PHACTR4: variants seen among roughly 807,000 people sequenced by gnomAD.
The protein encoded by PHACTR4 is phosphatase and actin regulator 4, also known as protein phosphatase 1, regulatory subunit 124.
Under a neutral mutation model 72.7 loss-of-function variants are expected in PHACTR4, and 51 were observed. The ratio of observed to expected loss-of-function variants is 0.70; its 90% CI spans 0.56 to 0.89. The LOEUF (loss-of-function observed/expected upper bound fraction) is 0.89, where lower values mean the gene tolerates loss of function less well. PHACTR4 is among the 40% of genes least tolerant of loss of function. The probability of loss-of-function intolerance (pLI) is 0.00; values close to 1 mark genes in which losing one functional copy is unlikely to be tolerated. For missense variants in PHACTR4, 731 were observed against 861.8 expected, an observed-to-expected ratio of 0.85 and a Z score of 1.90; for synonymous variants, 255 against 302.5, an observed-to-expected ratio of 0.84 and a Z score of 1.63.
chr1:28,407,656 A>G (rs956206998), intron 2 of PHACTR4, among the ~76,000 whole-genome samples, 193 bp downstream of exon 2: 2 of 152,188 alleles, frequency 1.3e-5, no homozygotes, highest in African/African-American at 4.8e-5. Context: ...CCTTTTGTTT[A>G]TGTGACATAT....
intron 2 of PHACTR4, chr1:28,433,168 A>ATCTCTTGTTATTTGTTAGCT: frequency 2.4e-6 from 2 of 818,082 alleles, no homozygotes; most frequent in Non-Finnish European, 3.0e-6. Flanking sequence ...CTTATTAGCT[A>ATCTCTTGTTATTTGTTAGCT]ACAAATAACA....
In PHACTR4 at chr1:28,498,251, G is replaced by C. The variant is rs1661478688; in HGVS notation, c.*1702G>C. On this transcript the variant is annotated 3_prime_UTR_variant, in exon 14 of 14. Coordinates refer to ENST00000373839, the MANE Select transcript of PHACTR4 (RefSeq NM_001048183.3). ...GGTGCTGCATAGGAAAGGGTCTCTG[G>C]AGAAGCAAGAAGGGCACAATCATGG... 6.6e-6 allele frequency: 1 copy of C among 152,218 alleles called. No individual in the cohort carries two copies. Among genetic ancestry groups the C allele is most frequent in the Non-Finnish European group, 1.5e-5 (1 of 68,092 alleles). The allele number at this position is 152,218 out of a possible 1,614,324, so 9.4% of individuals were successfully genotyped here. A position where few individuals can be genotyped will look rare whatever the true frequency, so the allele number is the denominator to read the frequency against.
chr1:28,453,410 GA>G, intron 2 of PHACTR4: 2 of 253,644 alleles, frequency 7.9e-6, no homozygotes, highest in South Asian at 1.1e-4. Context: ...AGTTGAAAAC[GA>G]AAAAAAGAGA....
intron 1 of PHACTR4, among the ~76,000 whole-genome samples, chr1:28,375,835 C>T (rs1177212356): frequency 6.6e-6 from 1 of 152,052 alleles, no homozygotes; most frequent in Non-Finnish European, 1.5e-5. Context: ...TGTGGGAGGC[C>T]GAGGTGGGTG....
intron 2 of PHACTR4, among the ~76,000 whole-genome samples, chr1:28,407,971 T>G (rs1424710302): frequency 6.6e-6 from 1 of 151,598 alleles, no homozygotes; most frequent in African/African-American, 2.4e-5. Flanking sequence ...ATACAAAAAT[T>G]TAGCTGGGCA....
At chr1:28,408,585 G>A (rs1489692730) in intron 2 of PHACTR4, among the ~76,000 whole-genome samples, 3 of 151,760 alleles carry the variant, frequency 2.0e-5, no homozygotes, top group African/African-American at 7.3e-5. Context: ...GAAAGATAAC[G>A]TGGAAGTAAT....
chr1:28,495,468 G>T (rs1157321500), intron 13 of PHACTR4, among the ~76,000 whole-genome samples: 1 of 151,968 alleles, frequency 6.6e-6, no homozygotes, highest in Admixed American at 6.6e-5. Context: ...AATTGCATGT[G>T]TTTAGTTTGA....
At chr1:28,484,867 G>A (rs1002000104) in intron 9 of PHACTR4, among the ~76,000 whole-genome samples, 1 of 152,076 alleles carries the variant, frequency 6.6e-6, no homozygotes, top group Non-Finnish European at 1.5e-5. Context: ...TCGGGAGGCT[G>A]AGGCAGGAGA....
At chr1:28,401,810 G>A (rs1159075229) in intron 1 of PHACTR4, among the ~76,000 whole-genome samples, 11 of 152,128 alleles carry the variant, frequency 7.2e-5, no homozygotes, top group Admixed American at 7.2e-4. Flanking sequence ...TGTTGCCCAA[G>A]CTGGCCTTGA....
At chr1:28,489,340 G>A in intron 10 of PHACTR4, 115 bp downstream of exon 10, 2 of 793,730 alleles carry the variant, frequency 2.5e-6, no homozygotes, top group South Asian at 3.4e-5. Context: ...GAGTGTTCCA[G>A]CCAGGCAAGG....
intron 6 of PHACTR4, among the ~76,000 whole-genome samples, 178 bp from the exon 7 acceptor site, chr1:28,473,376 T>C (rs575976522): frequency 6.6e-6 from 1 of 152,240 alleles, no homozygotes; most frequent in Admixed American, 6.5e-5. Context: ...TTAAGCCTTC[T>C]ATTTGAATAA....
intron 4 of PHACTR4, among the ~76,000 whole-genome samples, chr1:28,462,494 A>T (rs565064047): frequency 3.7e-4 from 56 of 152,010 alleles, no homozygotes; most frequent in African/African-American, 1.3e-3. Context: ...CAGCCTCCCG[A>T]GTAGCTGGAA....
intron 2 of PHACTR4, among the ~76,000 whole-genome samples, chr1:28,430,042 A>G (rs1368315570): frequency 1.4e-5 from 2 of 147,646 alleles, no homozygotes; most frequent in African/African-American, 5.0e-5. Flanking sequence ...TTTTTTTTTG[A>G]GACAGAGTCT....
chr1:28,496,862 C>T lies in PHACTR4; in HGVS notation c.*313C>T, dbSNP rs528616029. On this transcript the variant is annotated 3_prime_UTR_variant, in exon 14 of 14. Transcript: ENST00000373839. ...CAGGTTTTACTGGCTGCACCACACC[C>T]CTTCCCCTAGATGACTGCCTGTGCA... The T allele has an allele frequency of 9.7e-4, 451 of 465,656 alleles. 2 individuals carry two copies. Among genetic ancestry groups the T allele is most frequent in the Middle Eastern group, 3.7e-3 (6 of 1,626 alleles). 28.8% of individuals were successfully genotyped at this position (465,656 alleles called of 1,614,324 possible).
intron 2 of PHACTR4, among the ~76,000 whole-genome samples, chr1:28,442,233 A>G (rs953440598): frequency 6.6e-6 from 1 of 151,978 alleles, no homozygotes; most frequent in Non-Finnish European, 1.5e-5. Context: ...TTGGGAGGCC[A>G]AGGCGGGTGA....
intron 2 of PHACTR4, among the ~76,000 whole-genome samples, chr1:28,440,159 G>A (rs551169544): frequency 1.0e-3 from 154 of 151,528 alleles, no homozygotes; most frequent in African/African-American, 3.6e-3. Context: ...AAAATCAGCT[G>A]GGCGTGGTGG....
At chr1:28,459,290 A>G (rs1261183608) in intron 3 of PHACTR4, 32 bp downstream of exon 3, 1 of 1,579,958 alleles carries the variant, frequency 6.3e-7, no homozygotes, top group South Asian at 1.1e-5. Context: ...GTGTGTTCTG[A>G]GTTAGAATTC....
chr1:28,481,164 G>A (rs2124524545), intron 9 of PHACTR4, among the ~76,000 whole-genome samples: 1 of 152,104 alleles, frequency 6.6e-6, no homozygotes, highest in Non-Finnish European at 1.5e-5. Context: ...GACTAGCTGG[G>A]TCCTCAGGCA....
intron 1 of PHACTR4, among the ~76,000 whole-genome samples, chr1:28,384,913 A>G (rs1391879206): frequency 6.6e-6 from 1 of 152,112 alleles, no homozygotes; most frequent in Non-Finnish European, 1.5e-5. Context: ...ACAAATAAAT[A>G]AATAAAATAA....
Sources: gnomAD v4.1 joint callset for allele counts (sites outside exome capture counted in the v4.1 genomes callset) on GRCh38, gnomAD v4.1.1 for gene constraint, MANE v1.5 for transcripts, NCBI Gene and HGNC (gene_info 2026-07-23, HGNC 2026-07-21) for gene names.